ATP13A4: variants seen among roughly 807,000 people sequenced by gnomAD.
ATP13A4 encodes the protein probable cation-transporting ATPase 13A4.
Under a neutral mutation model 142.5 loss-of-function variants are expected in ATP13A4, and 114 were observed. The ratio of observed to expected loss-of-function variants is 0.80; its 90% CI spans 0.69 to 0.93. The LOEUF (loss-of-function observed/expected upper bound fraction) is 0.93, where lower values mean the gene tolerates loss of function less well. ATP13A4 is among the 40% of genes least tolerant of loss of function. The probability of loss-of-function intolerance (pLI) is 0.00; values close to 1 mark genes in which losing one functional copy is unlikely to be tolerated. For synonymous variants in ATP13A4, 488 were observed against 514.8 expected, an observed-to-expected ratio of 0.95 and a Z score of 0.70; for missense variants, 1,392 against 1,454.0, an observed-to-expected ratio of 0.96 and a Z score of 0.69.
At chr3:193,498,401 C>A (rs909584132) in intron 3 of ATP13A4, among the ~76,000 whole-genome samples, 1 of 151,928 alleles carries the variant, frequency 6.6e-6, no homozygotes, top group Non-Finnish European at 1.5e-5. Flanking sequence ...GAAGGGTTGA[C>A]GCTTATGACA....
chr3:193,434,503 T>C (rs574655558), intron 24 of ATP13A4, among the ~76,000 whole-genome samples: 1 of 152,186 alleles, frequency 6.6e-6, no homozygotes, highest in South Asian at 2.1e-4. Context: ...TAATGTTCAA[T>C]GTTTAATTCT....
intron 25 of ATP13A4, among the ~76,000 whole-genome samples, chr3:193,418,240 C>G (rs894788799): frequency 7.0e-6 from 1 of 143,782 alleles, no homozygotes; most frequent in Non-Finnish European, 1.5e-5. Context: ...TGGCGTGAAC[C>G]CCGAGGGGCC....
intron 2 of ATP13A4, among the ~76,000 whole-genome samples, chr3:193,565,207 G>A (rs1425220203): frequency 6.6e-6 from 1 of 152,124 alleles, no homozygotes; most frequent in Non-Finnish European, 1.5e-5. Flanking sequence ...CTGGTTCCTT[G>A]TACCAAATGG....
intron 7 of ATP13A4, among the ~76,000 whole-genome samples, chr3:193,485,404 G>A (rs1288809316): frequency 2.6e-5 from 4 of 152,078 alleles, no homozygotes; most frequent in Admixed American, 6.6e-5. Flanking sequence ...TGTCCCACAG[G>A]GGCTGAGCAG....
At chr3:193,412,609 T>C (rs1422813063) in intron 26 of ATP13A4, among the ~76,000 whole-genome samples, 1 of 147,294 alleles carries the variant, frequency 6.8e-6, no homozygotes, top group Non-Finnish European at 1.5e-5. Flanking sequence ...TTTGGATACA[T>C]TGAGAGAGAG....
chr3:193,404,880 C>T (rs1486804699), intron 29 of ATP13A4, among the ~76,000 whole-genome samples: 1 of 152,190 alleles, frequency 6.6e-6, no homozygotes, highest in Non-Finnish European at 1.5e-5. Context: ...GCCACATGAG[C>T]GCTTCTGACT....
intron 6 of ATP13A4, 55 bp from the exon 7 acceptor site, chr3:193,489,919 C>T: frequency 1.9e-6 from 3 of 1,553,594 alleles, no homozygotes; most frequent in Non-Finnish European, 2.7e-6. Context: ...CTTCACTCTG[C>T]TCTTCATTTA....
At chr3:193,575,941 C>G (rs1724381900) in intron 2 of ATP13A4, among the ~76,000 whole-genome samples, 1 of 152,134 alleles carries the variant, frequency 6.6e-6, no homozygotes, top group Non-Finnish European at 1.5e-5. Context: ...TTTCCTAAGG[C>G]ACTTTTGATT....
chr3:193,527,194 C>T (rs1479073776), intron 1 of ATP13A4, among the ~76,000 whole-genome samples: 2 of 152,166 alleles, frequency 1.3e-5, no homozygotes, highest in Non-Finnish European at 2.9e-5. Context: ...GTGTCTCCGC[C>T]CAAATCTCAT....
intron 1 of ATP13A4, among the ~76,000 whole-genome samples, chr3:193,541,192 T>A (rs979072236): frequency 7.4e-6 from 1 of 134,732 alleles, no homozygotes; most frequent in Non-Finnish European, 1.5e-5. Flanking sequence ...GAGCTTGCAG[T>A]GAGCCGAGAT....
chr3:193,436,865 G>A (rs1379189771), intron 23 of ATP13A4, among the ~76,000 whole-genome samples: 1 of 140,784 alleles, frequency 7.1e-6, no homozygotes, highest in Non-Finnish European at 1.5e-5. Context: ...AGCACTTTGG[G>A]AGGCCGAGGC....
At chr3:193,562,514 C>T (rs907930781) in intron 2 of ATP13A4, among the ~76,000 whole-genome samples, 10 of 152,088 alleles carry the variant, frequency 6.6e-5, no homozygotes, top group Admixed American at 2.6e-4. Context: ...AGCCACTGTT[C>T]CCTGTTCTCC....
intron 17 of ATP13A4, among the ~76,000 whole-genome samples, chr3:193,451,698 A>G (rs185641022): frequency 6.6e-6 from 1 of 152,310 alleles, no homozygotes; most frequent in Non-Finnish European, 1.5e-5. Flanking sequence ...ATGTTCTTAA[A>G]ATCCATGTGA....
rs745370598 is a variant in ATP13A4, at chr3:193,569,256, CA to C, written n.291+12450del. Among the ~76,000 whole-genome samples the C allele has an allele frequency of 7.9e-4, 121 of 152,308 alleles. 5 individuals carry two copies. Among genetic ancestry groups the C allele is most frequent in the Middle Eastern group, 3.4e-3 (1 of 294 alleles). ...GTCTAATAGTGAGAAAAATGTTCGA[CA>C]AATCCCAATAAAGGGACGTGGTACA... On this transcript the variant is annotated intron_variant and non_coding_transcript_variant, in intron 2 of 3. Transcript: ENST00000489140.
At position 193,456,235 on chromosome 3, in the gene ATP13A4, CTAAT is replaced by C. The variant is rs1483551345; in HGVS notation, c.1915+761_1915+764del. Among the ~76,000 whole-genome samples the C allele has an allele frequency of 7.2e-5, 11 of 152,238 alleles. No homozygotes were observed. In the East Asian group the frequency reaches 2.1e-3, roughly 29 times the overall value. The stretch of plus-strand genomic sequence containing the variant: ...CAAGTTCTGCTCTAAGGATTTCTGT[CTAAT>C]TGAGTTACAGCCAGCAGACTAACAA... On this transcript the variant is annotated intron_variant, in intron 16 of 29. Transcript: ENST00000342695.
intron 17 of ATP13A4, among the ~76,000 whole-genome samples, chr3:193,450,664 C>G (rs1040282651): frequency 1.3e-5 from 2 of 152,272 alleles, no homozygotes; most frequent in Non-Finnish European, 2.9e-5. Context: ...CACCTGATAG[C>G]AATAACTACT....
chr3:193,472,851 A>G (rs529226727), intron 8 of ATP13A4, among the ~76,000 whole-genome samples: 1 of 152,352 alleles, frequency 6.6e-6, no homozygotes, highest in East Asian at 1.9e-4. Context: ...TTCTCACTGA[A>G]GAAAGGAAGT....
chr3:193,490,898 C>T (rs1719907124), intron 6 of ATP13A4, among the ~76,000 whole-genome samples: 1 of 152,090 alleles, frequency 6.6e-6, no homozygotes, highest in South Asian at 2.1e-4. Context: ...AAAATTTCAT[C>T]TTATACCTTG....
At chr3:193,443,025 A>T (rs1716739279) in intron 18 of ATP13A4, among the ~76,000 whole-genome samples, 1 of 152,104 alleles carries the variant, frequency 6.6e-6, no homozygotes, top group Non-Finnish European at 1.5e-5. Context: ...AGATGGTGGG[A>T]GGGAGTCAAA....
Sources: gnomAD v4.1 joint callset for allele counts (sites outside exome capture counted in the v4.1 genomes callset) on GRCh38, gnomAD v4.1.1 for gene constraint, MANE v1.5 for transcripts, NCBI Gene and HGNC (gene_info 2026-07-23, HGNC 2026-07-21) for gene names.